Variants in ARHGAP15 observed in about 807,000 individuals in gnomAD.
ARHGAP15 encodes rho GTPase-activating protein 15.
Under a neutral mutation model 63.7 loss-of-function variants are expected in ARHGAP15, and 51 were observed. The observed-to-expected ratio is 0.80, with a 90% CI of 0.64 to 1.01. The LOEUF (loss-of-function observed/expected upper bound fraction) is 1.01. Among genes scored for constraint, ARHGAP15 ranks in the 50% least tolerant of loss-of-function variants. ARHGAP15 has a pLI of 0.00. For missense variants in ARHGAP15, 560 were observed against 564.6 expected (o/e 0.99, Z 0.08); for synonymous variants, 191 against 193.8 (o/e 0.99, Z 0.12).
At chr2:143,686,190 C>T (rs1319469583) in intron 12 of ARHGAP15, among the ~76,000 whole-genome samples, 2 of 151,758 alleles carry the variant, frequency 1.3e-5, no homozygotes, top group Non-Finnish European at 2.9e-5. Context: ...AGGCAGATCA[C>T]GAGGTCAGGA....
At chr2:143,313,082 G>T (rs1285840795) in intron 6 of ARHGAP15, among the ~76,000 whole-genome samples, 2 of 152,014 alleles carry the variant, frequency 1.3e-5, no homozygotes, top group African/African-American at 4.8e-5. Context: ...TTTTCAAGTG[G>T]CTGGAAAAAT....
At chr2:143,300,594 C>A (rs1008183866) in intron 6 of ARHGAP15, among the ~76,000 whole-genome samples, 1 of 152,030 alleles carries the variant, frequency 6.6e-6, no homozygotes, top group Non-Finnish European at 1.5e-5. Context: ...TGCAGTGATT[C>A]AGGGACCCTG....
intron 11 of ARHGAP15, among the ~76,000 whole-genome samples, chr2:143,565,342 TAATA>T (rs1246090878): frequency 2.0e-5 from 3 of 152,108 alleles, no homozygotes; most frequent in Non-Finnish European, 4.4e-5. Flanking sequence ...ATTACCCTTT[TAATA>T]AATAACCCCC....
chr2:143,185,701 T>A (rs1691419777), intron 2 of ARHGAP15, among the ~76,000 whole-genome samples: 1 of 152,194 alleles, frequency 6.6e-6, no homozygotes, highest in African/African-American at 2.4e-5. Flanking sequence ...TCATAGGAAA[T>A]CTATTTATTC....
intron 6 of ARHGAP15, among the ~76,000 whole-genome samples, chr2:143,316,092 TA>T (rs1683692156): frequency 1.3e-5 from 2 of 151,782 alleles, no homozygotes; most frequent in Non-Finnish European, 2.9e-5. Context: ...GTCTCAAAAA[TA>T]AAAATAAAAA....
At chr2:143,228,978 C>T (rs953335962) in intron 5 of ARHGAP15, among the ~76,000 whole-genome samples, 1 of 152,124 alleles carries the variant, frequency 6.6e-6, no homozygotes, top group Admixed American at 6.5e-5. Context: ...ATGAAATGAT[C>T]ACTAAATGCA....
intron 8 of ARHGAP15, among the ~76,000 whole-genome samples, chr2:143,476,989 T>C (rs1691847760): frequency 6.6e-6 from 1 of 152,220 alleles, no homozygotes. Context: ...TGGTTTAGTC[T>C]GACAAGCCCT....
chr2:143,503,660 T>C (rs980409244), intron 9 of ARHGAP15, among the ~76,000 whole-genome samples: 2 of 152,196 alleles, frequency 1.3e-5, no homozygotes, highest in Admixed American at 6.5e-5. Context: ...AAACAGATAA[T>C]ATATGATGAG....
intron 13 of ARHGAP15, among the ~76,000 whole-genome samples, chr2:143,749,520 C>T (rs971274808): frequency 1.3e-5 from 2 of 152,218 alleles, no homozygotes; most frequent in East Asian, 1.9e-4. Context: ...TTCCCTTAAA[C>T]GTTTCATTTA....
intron 6 of ARHGAP15, among the ~76,000 whole-genome samples, chr2:143,264,162 G>A (rs555465846): frequency 2.6e-5 from 4 of 151,800 alleles, no homozygotes; most frequent in South Asian, 2.1e-4. Flanking sequence ...TCTGAATATA[G>A]CATTTCAATC....
chr2:143,426,479 G>T (rs1689141391), intron 6 of ARHGAP15, among the ~76,000 whole-genome samples: 1 of 152,130 alleles, frequency 6.6e-6, no homozygotes, highest in Non-Finnish European at 1.5e-5. Flanking sequence ...GCATTTCCTA[G>T]GTTGGTATGT....
intron 4 of ARHGAP15, among the ~76,000 whole-genome samples, chr2:143,218,817 T>G (rs889459269): frequency 7.2e-5 from 11 of 152,186 alleles, no homozygotes; most frequent in African/African-American, 2.7e-4. Flanking sequence ...TTACAGTATG[T>G]TGCTGTGCTG....
At chr2:143,573,174 A>G (rs1312477861) in intron 11 of ARHGAP15, among the ~76,000 whole-genome samples, 2 of 152,212 alleles carry the variant, frequency 1.3e-5, no homozygotes, top group African/African-American at 2.4e-5. Context: ...CAACAGAAAG[A>G]TGCCTTAAAG....
At chr2:143,628,414 T>G (rs1406213679) in intron 12 of ARHGAP15, among the ~76,000 whole-genome samples, 1 of 152,190 alleles carries the variant, frequency 6.6e-6, no homozygotes, top group African/African-American at 2.4e-5. Flanking sequence ...CAAACTTACA[T>G]GTGCTCTTGA....
chr2:143,654,356 G>A (rs1212137406), intron 12 of ARHGAP15, among the ~76,000 whole-genome samples: 1 of 151,958 alleles, frequency 6.6e-6, no homozygotes, highest in Non-Finnish European at 1.5e-5. Context: ...TCCTCAGTGA[G>A]GTCACTATAA....
chr2:143,154,028 T>C (rs1223748005), intron 1 of ARHGAP15, among the ~76,000 whole-genome samples: 1 of 151,660 alleles, frequency 6.6e-6, no homozygotes, highest in Non-Finnish European at 1.5e-5. Context: ...TAAATTAAAA[T>C]GTGTCTATCT....
chr2:143,615,383 T>C (rs1698415728), intron 11 of ARHGAP15, among the ~76,000 whole-genome samples: 1 of 152,202 alleles, frequency 6.6e-6, no homozygotes, highest in African/African-American at 2.4e-5. Flanking sequence ...AATGTTACCA[T>C]TTCTAACCCT....
At chr2:143,622,162 C>G (rs968461849) in intron 11 of ARHGAP15, among the ~76,000 whole-genome samples, 2 of 152,124 alleles carry the variant, frequency 1.3e-5, no homozygotes, top group South Asian at 4.1e-4. Flanking sequence ...GAATGAAGCT[C>G]TTAACAAAAC....
intron 10 of ARHGAP15, chr2:143,521,932 T>G (rs186472222): frequency 5.4e-4 from 82 of 152,268 alleles, no homozygotes; most frequent in African/African-American, 1.9e-3. Context: ...ATTCATTCAT[T>G]TATCCATCCA....
Sources: allele counts gnomAD v4.1 joint callset (sites outside exome capture counted in the v4.1 genomes callset), GRCh38; gene constraint gnomAD v4.1.1; transcripts MANE v1.5; gene names NCBI Gene and HGNC (gene_info 2026-07-23, HGNC 2026-07-21).